MACROH2A2: variants seen among roughly 807,000 people sequenced by gnomAD.
MACROH2A2 encodes the protein macroH2A.2 histone, also known as core histone macro-H2A.2.
MACROH2A2 carries 6 observed loss-of-function variants against 37.6 expected under a neutral mutation model. The ratio of observed to expected loss-of-function variants is 0.16; its 90% confidence interval spans 0.09 to 0.32. The LOEUF (loss-of-function observed/expected upper bound fraction) is 0.32. Ranked by LOEUF, MACROH2A2 falls within the 10% of genes least tolerant of loss-of-function variation. The pLI, the probability that MACROH2A2 is intolerant of heterozygous loss-of-function variation, is 1.00. For missense variants in MACROH2A2, 290 were observed against 485.9 expected (o/e 0.60, Z 3.79); for synonymous variants, 192 against 202.7 (o/e 0.95, Z 0.45).
At chr10:70,111,238 C>T (rs2072371930) in intron 8 of MACROH2A2, among the ~76,000 whole-genome samples, 1 of 152,172 alleles carries the variant, frequency 6.6e-6, no homozygotes, top group African/African-American at 2.4e-5. Flanking sequence ...CACTGCACTC[C>T]AGCCTGGGCA....
In MACROH2A2 at chr10:70,053,676, G is replaced by T. The variant is rs1331449538; in HGVS notation, c.-60+676G>T. Among the ~76,000 whole-genome samples the T allele has an allele frequency of 6.6e-6, 1 of 151,256 alleles. No individual in the cohort carries two copies. The highest frequency in any genetic ancestry group is 1.5e-5 in the Non-Finnish European group (1 of 67,760). On this transcript the variant is annotated intron_variant, in intron 1 of 8. Transcript: ENST00000373255. The surrounding 1 kb of genome is among the most constrained non-coding windows in gnomAD (Gnocchi z 4.8). ...CGCCGCGGGCGGGCGTGCGCCCCGG[G>T]GCCGGCGCGGAAGAGGGCGCGAGGC... is the stretch of plus-strand genomic sequence containing the variant.
chr10:70,079,167 A>G (rs1005829076), intron 2 of MACROH2A2, among the ~76,000 whole-genome samples: 1 of 152,136 alleles, frequency 6.6e-6, no homozygotes, highest in Non-Finnish European at 1.5e-5. Context: ...CTAATCTAAC[A>G]GAAGTGTTGT....
intron 2 of MACROH2A2, among the ~76,000 whole-genome samples, chr10:70,077,063 T>C (rs2072144172): frequency 6.6e-6 from 1 of 151,872 alleles, no homozygotes; most frequent in African/African-American, 2.4e-5. Flanking sequence ...TTTAGGAGGT[T>C]GGGGAGAGCT....
rs759303330 is a variant in MACROH2A2, at chr10:70,109,190, G to C, written c.936G>C (p.Pro312=). 6.2e-7 allele frequency: 1 copy of C among 1,613,856 alleles called. No individual in the cohort carries two copies. The highest frequency in any genetic ancestry group is 8.5e-7 in the Non-Finnish European group (1 of 1,179,928). The change falls in exon 8 of 9, where the codon CCG becomes CCC. Residue 312 remains proline (P), a synonymous_variant. Transcript: ENST00000373255. ...EDKKLKSVAF[P]PFPSGRNCFP... ...AGAAGCTAAAGTCCGTCGCGTTCCC[G>C]CCTTTCCCCAGCGGCAGGTAAGATG... is the stretch of plus-strand genomic sequence containing the variant.
intron 6 of MACROH2A2, among the ~76,000 whole-genome samples, chr10:70,097,782 A>C (rs749510302): frequency 6.6e-6 from 1 of 152,178 alleles, no homozygotes; most frequent in Non-Finnish European, 1.5e-5. Flanking sequence ...CAGTGTTCCA[A>C]TTCCAGTTAC....
Position 70,089,036 on chromosome 10 carries a change from G to A in MACROH2A2, c.173-1024G>A, listed in dbSNP as rs1430267702. ...GGAGAATTGCTTGAACCCAGGAGGC[G>A]GAGGTTGCAGTGAGCCAAGATCATG... On this transcript the variant is annotated intron_variant, in intron 2 of 8. Transcript: ENST00000373255. Among the ~76,000 whole-genome samples the A allele has an allele frequency of 1.6e-4, 24 of 152,174 alleles. 1 individual carries two copies. The highest frequency in any genetic ancestry group is 2.0e-4 in the Admixed American group (3 of 15,268).
intron 7 of MACROH2A2, among the ~76,000 whole-genome samples, chr10:70,100,506 A>C (rs1044825288): frequency 6.6e-6 from 1 of 152,242 alleles, no homozygotes; most frequent in Admixed American, 6.5e-5. Context: ...GAATAATTCA[A>C]GTCAGTTTGC....
At chr10:70,071,193 C>T (rs559142617) in intron 1 of MACROH2A2, among the ~76,000 whole-genome samples, 1 of 152,256 alleles carries the variant, frequency 6.6e-6, no homozygotes, top group South Asian at 2.1e-4. Context: ...GACCAGCCAG[C>T]ACACACCATA....
At chr10:70,091,688 A>AG in intron 3 of MACROH2A2, 69 bp from the exon 4 acceptor site, 11 of 1,128,620 alleles carry the variant, frequency 9.7e-6, no homozygotes, top group Non-Finnish European at 1.3e-5. Flanking sequence ...AAAAAAAAAA[A>AG]AAAGAACTGT....
chr10:70,064,923 C>G (rs534061040), intron 1 of MACROH2A2, among the ~76,000 whole-genome samples: 1 of 152,280 alleles, frequency 6.6e-6, no homozygotes, highest in East Asian at 1.9e-4. Flanking sequence ...TGCACACACA[C>G]CCGGAGATCC....
At chr10:70,101,744 C>T (rs2072308406) in intron 7 of MACROH2A2, among the ~76,000 whole-genome samples, 1 of 152,166 alleles carries the variant, frequency 6.6e-6, no homozygotes, top group Admixed American at 6.5e-5. Context: ...TAAATGGGAT[C>T]ATGCAATATA....
intron 2 of MACROH2A2, among the ~76,000 whole-genome samples, chr10:70,076,886 A>T (rs1310459835): frequency 3.3e-5 from 5 of 151,904 alleles, no homozygotes; most frequent in Non-Finnish European, 7.4e-5. Flanking sequence ...CTTAGTCCCC[A>T]TCGCCCACCA....
intron 1 of MACROH2A2, among the ~76,000 whole-genome samples, chr10:70,060,361 C>T (rs1195196098): frequency 6.7e-6 from 1 of 149,254 alleles, no homozygotes; most frequent in Non-Finnish European, 1.5e-5. Flanking sequence ...CAGAGCCAGA[C>T]TCTCTTAAAA....
At chr10:70,090,608 G>A (rs1441708746) in intron 3 of MACROH2A2, among the ~76,000 whole-genome samples, 1 of 152,184 alleles carries the variant, frequency 6.6e-6, no homozygotes, top group Non-Finnish European at 1.5e-5. Context: ...AAGGTGGTAG[G>A]TAAATAGTAT....
In MACROH2A2 at chr10:70,058,298, G is replaced by A. The variant is rs189188424; in HGVS notation, c.-60+5298G>A. Among the ~76,000 whole-genome samples the A allele has an allele frequency of 5.9e-5, 9 of 152,296 alleles. No individual in the cohort carries two copies. In the East Asian group the frequency reaches 1.7e-3, roughly 29 times the overall value. ...GACTGGCATTGCCAATTTGGACTTG[G>A]AATGGAGTAAGTAATTCAAGTCAAA... On this transcript the variant is annotated intron_variant, in intron 1 of 8. Coordinates refer to ENST00000373255, the MANE Select transcript of MACROH2A2 (RefSeq NM_018649.3).
At chr10:70,093,913 G>T in intron 5 of MACROH2A2, 68 bp downstream of exon 5, 1 of 781,958 alleles carries the variant, frequency 1.3e-6, no homozygotes, top group East Asian at 2.6e-5. Flanking sequence ...CTGTTTACAA[G>T]CAATGATGCC....
At chr10:70,098,528 AT>A (rs2072288895) in intron 6 of MACROH2A2, 1 of 152,118 alleles carries the variant, frequency 6.6e-6, no homozygotes, top group Non-Finnish European at 1.5e-5. Flanking sequence ...TCTCTTTCTT[AT>A]TTCTTTGCAA....
intron 1 of MACROH2A2, among the ~76,000 whole-genome samples, chr10:70,071,525 A>T (rs2072110132): frequency 6.6e-6 from 1 of 152,320 alleles, no homozygotes; most frequent in Middle Eastern, 3.4e-3. Context: ...AATAAATAAC[A>T]TATGAAGCTC....
chr10:70,070,260 A>G (rs2072101401), intron 1 of MACROH2A2, among the ~76,000 whole-genome samples: 1 of 152,090 alleles, frequency 6.6e-6, no homozygotes, highest in African/African-American at 2.4e-5. Context: ...TCCATCTCAC[A>G]CTTAGACTTC....
Sources: gnomAD v4.1 joint callset for allele counts (sites outside exome capture counted in the v4.1 genomes callset) on GRCh38, gnomAD v4.1.1 for gene constraint, Gnocchi (gnomAD v3.1) non-coding constraint, MANE v1.5 for transcripts, NCBI Gene and HGNC (gene_info 2026-07-23, HGNC 2026-07-21) for gene names.